EFCAB6: variants seen among roughly 807,000 people sequenced by gnomAD.
The protein encoded by EFCAB6 is EF-hand calcium binding domain 6, also known as EF-hand calcium-binding domain-containing protein 6.
A neutral mutation model predicts 169.8 loss-of-function variants in EFCAB6; 156 were observed. The ratio of observed to expected loss-of-function variants is 0.92; its 90% CI spans 0.81 to 1.05. EFCAB6 has a LOEUF of 1.05. Ranked by LOEUF, EFCAB6 falls within the 50% of genes least tolerant of loss-of-function variation. The pLI is 0.00. For missense variants in EFCAB6, 1,800 were observed against 1,829.1 expected (o/e 0.98, Z 0.29); for synonymous variants, 698 against 676.4 (o/e 1.03, Z -0.50).
chr22:43,596,856 C>T (rs1332445740), intron 23 of EFCAB6, among the ~76,000 whole-genome samples: 3 of 152,164 alleles, frequency 2.0e-5, no homozygotes, highest in Non-Finnish European at 4.4e-5. Context: ...AATTACACTA[C>T]AAAGTTATAT....
intron 17 of EFCAB6, among the ~76,000 whole-genome samples, chr22:43,644,562 A>G (rs924660667): frequency 6.6e-6 from 1 of 152,200 alleles, no homozygotes; most frequent in Admixed American, 6.5e-5. Flanking sequence ...TTCCAAAAAC[A>G]ATCCTTCCTC....
rs137802 is a variant in EFCAB6 at position 43,690,343 on chromosome 22, C to CAAAA, written c.1032-2766_1032-2763dup. Reference sequence around the variant, plus strand: ...TGAAACCCCGTCTCTACTAAAAATACAAAAAAAAAAAAAAAAAAAAAAATT... The same window carrying CAAAA: ...TGAAACCCCGTCTCTACTAAAAATACAAAAAAAAAAAAAAAAAAAAAAAAAAATT... On this transcript the variant is annotated intron_variant, in intron 10 of 31. Coordinates refer to ENST00000262726, the MANE Select transcript of EFCAB6 (RefSeq NM_022785.4). Among the ~76,000 whole-genome samples the CAAAA allele has an allele frequency of 1.9e-3, 182 of 95,830 alleles. 5 individuals carry two copies. The highest frequency in any genetic ancestry group is 6.4e-3 in the African/African-American group (155 of 24,214). The allele number at this position is 95,830 out of a possible 152,430, so 62.9% of individuals were successfully genotyped here.
At chr22:43,740,385 G>C (rs527247451) in intron 6 of EFCAB6, among the ~76,000 whole-genome samples, 12 of 152,098 alleles carry the variant, frequency 7.9e-5, no homozygotes, top group Non-Finnish European at 1.6e-4. Context: ...GAATGAATCT[G>C]TCTCCTCCTC....
Position 43,698,396 on chromosome 22 carries a change from C to T in EFCAB6, c.1032-10815G>A, listed in dbSNP as rs144478157. ...AAATCGGGCTTCCTTGTCTGAAATG[C>T]TTCTGCCCATTACTGTCATTTGTGG... is the stretch of plus-strand genomic sequence containing the variant. On this transcript the variant is annotated intron_variant, in intron 10 of 31. Transcript: ENST00000262726. Among the ~76,000 whole-genome samples, 133 of 152,312 alleles carry T rather than the reference C, an allele frequency of 8.7e-4. 1 individual carries two copies. In the East Asian group the frequency reaches 0.024, roughly 27 times the overall value.
chr22:43,643,828 C>CT (rs928737372), intron 17 of EFCAB6, among the ~76,000 whole-genome samples: 293 of 145,934 alleles, frequency 2.0e-3, no homozygotes, highest in Admixed American at 2.2e-3. Context: ...AGCATTTGTT[C>CT]TTTTTTTTTT....
intron 9 of EFCAB6, among the ~76,000 whole-genome samples, chr22:43,713,249 C>T (rs1370310653): frequency 6.6e-6 from 1 of 152,116 alleles, no homozygotes; most frequent in African/African-American, 2.4e-5. Flanking sequence ...GAGCAGAGAT[C>T]GTATCTGTTT....
chr22:43,540,977 AAATG>A (rs35231886), intron 27 of EFCAB6, among the ~76,000 whole-genome samples: 59,301 of 151,660 alleles, frequency 0.39, 11,693 homozygotes, highest in African/African-American at 0.44. Flanking sequence ...ATAGAAAAAA[AAATG>A]AATGACTCAA....
intron 3 of EFCAB6, among the ~76,000 whole-genome samples, chr22:43,777,822 A>G (rs995284607): frequency 6.6e-6 from 1 of 152,232 alleles, no homozygotes; most frequent in Non-Finnish European, 1.5e-5. Flanking sequence ...AAGACTTTTT[A>G]TTCCACGTGC....
chr22:43,685,420 C>T (rs1045639292), intron 11 of EFCAB6, among the ~76,000 whole-genome samples: 4 of 152,162 alleles, frequency 2.6e-5, no homozygotes, highest in East Asian at 3.8e-4. Context: ...CACAGCTCTC[C>T]CTCGGAGCTG....
chr22:43,627,355 AC>A (rs1226570961), intron 19 of EFCAB6, among the ~76,000 whole-genome samples: 1 of 152,064 alleles, frequency 6.6e-6, no homozygotes, highest in Non-Finnish European at 1.5e-5. Flanking sequence ...TCAGTGGCAA[AC>A]CCCAGCTCTG....
chr22:43,799,153 C>G (rs1187794235), intron 2 of EFCAB6, among the ~76,000 whole-genome samples: 4 of 150,894 alleles, frequency 2.7e-5, no homozygotes, highest in Non-Finnish European at 5.9e-5. Flanking sequence ...ATAGTGAGAC[C>G]TCGTCTTTAC....
intron 27 of EFCAB6, among the ~76,000 whole-genome samples, chr22:43,546,621 A>G (rs2048072451): frequency 1.3e-5 from 2 of 152,216 alleles, no homozygotes; most frequent in South Asian, 4.1e-4. Flanking sequence ...CTGTAATCCC[A>G]GCACTTTGGG....
intron 24 of EFCAB6, among the ~76,000 whole-genome samples, chr22:43,587,035 G>C (rs1180084315): frequency 6.6e-6 from 1 of 152,174 alleles, no homozygotes; most frequent in African/African-American, 2.4e-5. Flanking sequence ...GAGAAAATCT[G>C]ATATGTCCTG....
intron 31 of EFCAB6, 44 bp downstream of exon 31, chr22:43,530,771 G>A (rs201426447): frequency 1.2e-6 from 2 of 1,605,402 alleles, no homozygotes; most frequent in African/African-American, 2.7e-5. Context: ...CTGGCATTTG[G>A]CAGCTGCTCC....
intron 20 of EFCAB6, among the ~76,000 whole-genome samples, chr22:43,622,719 C>G (rs1421283908): frequency 2.6e-5 from 4 of 152,106 alleles, no homozygotes; most frequent in African/African-American, 9.7e-5. Flanking sequence ...CATTATTACT[C>G]TTCAACTCTT....
chr22:43,675,780 AATTATAT>A (rs1311571973), intron 13 of EFCAB6, among the ~76,000 whole-genome samples: 6 of 148,438 alleles, frequency 4.0e-5, no homozygotes, highest in Non-Finnish European at 8.9e-5. Flanking sequence ...TGTATGATGT[AATTATAT>A]ATTATAATAT....
chr22:43,722,273 T>C (rs992672265), intron 8 of EFCAB6, among the ~76,000 whole-genome samples: 13 of 151,974 alleles, frequency 8.6e-5, no homozygotes, highest in African/African-American at 3.1e-4. Context: ...ACACCTGTAA[T>C]CCCAGCACTT....
At chr22:43,745,388 G>T (rs184343603) in intron 6 of EFCAB6, among the ~76,000 whole-genome samples, 4 of 152,160 alleles carry the variant, frequency 2.6e-5, no homozygotes, top group Admixed American at 1.3e-4. Flanking sequence ...AGCATAACCC[G>T]CAGACGAACT....
chr22:43,605,097 A>T (rs962871270), intron 22 of EFCAB6, among the ~76,000 whole-genome samples: 1 of 152,188 alleles, frequency 6.6e-6, no homozygotes, highest in East Asian at 1.9e-4. Flanking sequence ...TCCAGGGTCA[A>T]CACTGAGCGA....
Sources: allele counts gnomAD v4.1 joint callset (sites outside exome capture counted in the v4.1 genomes callset), GRCh38; gene constraint gnomAD v4.1.1; transcripts MANE v1.5; gene names NCBI Gene and HGNC (gene_info 2026-07-23, HGNC 2026-07-21).